The following FAM167A variants were observed in gnomAD, a reference collection of about 807,000 sequenced individuals.
The protein encoded by FAM167A is family with sequence similarity 167 member A.
FAM167A carries 23 observed loss-of-function variants against 14.9 expected under a neutral mutation model. The ratio of observed to expected loss-of-function variants is 1.55; its 90% CI spans 1.11 to 2.19. FAM167A has a LOEUF of 2.19. FAM167A is among the 30% of genes most tolerant of loss of function. The pLI is 0.00. For synonymous variants in FAM167A, 174 were observed against 117.7 expected (o/e 1.48, Z -3.10); for missense variants, 401 against 281.5 (o/e 1.42, Z -3.04).
At chr8:11,474,999 C>T (rs1797822958) in intron 1 of FAM167A, among the ~76,000 whole-genome samples, 1 of 152,104 alleles carries the variant, frequency 6.6e-6, no homozygotes, top group African/African-American at 2.4e-5. Flanking sequence ...GCCAAGTGTC[C>T]TGGAGTGAGG....
At chr8:11,464,221 CT>C (rs1406793300) in intron 1 of FAM167A, among the ~76,000 whole-genome samples, 1 of 152,160 alleles carries the variant, frequency 6.6e-6, no homozygotes, top group Admixed American at 6.5e-5. Context: ...CTCTCCAACA[CT>C]TCTCCAGAGA....
intron 1 of FAM167A, among the ~76,000 whole-genome samples, chr8:11,466,386 G>A (rs1004443162): frequency 1.3e-5 from 2 of 151,232 alleles, no homozygotes; most frequent in African/African-American, 4.9e-5. Context: ...AGGAGATGAA[G>A]TCCAGCCCTG....
At chr8:11,466,472 C>G (rs548135661) in intron 1 of FAM167A, among the ~76,000 whole-genome samples, 154 bp downstream of exon 1, 7 of 146,948 alleles carry the variant, frequency 4.8e-5, no homozygotes, top group South Asian at 4.6e-4. Flanking sequence ...GCGGTAGGAG[C>G]GCGTCCCCTC....
intron 1 of FAM167A, among the ~76,000 whole-genome samples, chr8:11,454,327 C>T (rs934721592): frequency 6.6e-6 from 1 of 152,224 alleles, no homozygotes; most frequent in African/African-American, 2.4e-5. Flanking sequence ...AGACTCGTGG[C>T]TTCACTCAAG....
In FAM167A at chr8:11,464,129, G is replaced by A. The variant is rs76560026; in HGVS notation, c.-398+2497C>T. ...CCTGGCAGAGATGAGCAGGCAGGCA[G>A]TGTGCAGAAGGAAAGGGGGTGAGGT... On this transcript the variant is annotated intron_variant, in intron 1 of 2. Coordinates refer to ENST00000284486, the MANE Select transcript of FAM167A (RefSeq NM_053279.3). 5.1e-4 allele frequency among the ~76,000 whole-genome samples: 78 copies of A among 152,150 alleles called. No homozygotes were observed. The East Asian group carries it at 0.015, about 29-fold the overall frequency.
At chr8:11,442,044 A>T (rs1289244361) in intron 2 of FAM167A, among the ~76,000 whole-genome samples, 2 of 152,220 alleles carry the variant, frequency 1.3e-5, no homozygotes, top group Non-Finnish European at 2.9e-5. Context: ...AATAATGCTA[A>T]TATTCCCTTT....
chr8:11,450,948 G>A (rs1227752795), intron 1 of FAM167A, among the ~76,000 whole-genome samples: 2 of 152,210 alleles, frequency 1.3e-5, no homozygotes, highest in East Asian at 3.9e-4. Context: ...CCAAATCCCA[G>A]GACTATGTGC....
rs1293783987 is a variant in FAM167A, at chr8:11,444,056, G to C, written c.356C>G (p.Ala119Gly). 3 of 1,613,368 alleles carry C rather than the reference G, an allele frequency of 1.9e-6. No homozygotes were observed. In the South Asian group the frequency reaches 3.3e-5, roughly 18 times the overall value. The stretch of plus-strand genomic sequence containing the variant: ...CAGTTCCTTCCTGAGCCAGGCTATA[G>C]CTTCATCGATGCTCTGAAAGCCTTC... Reference protein sequence around the residue: ...KLEGFQSIDEAIAWLRKELTE... With the variant: ...KLEGFQSIDEGIAWLRKELTE... The change falls in exon 2 of 3, where the codon GCT becomes GGT. Residue 119 changes from alanine (A) to glycine (G), a missense_variant. Coordinates refer to ENST00000284486, the MANE Select transcript of FAM167A (RefSeq NM_053279.3).
At chr8:11,435,720 G>C (rs1018437251) in intron 2 of FAM167A, among the ~76,000 whole-genome samples, 1 of 152,150 alleles carries the variant, frequency 6.6e-6, no homozygotes, top group African/African-American at 2.4e-5. Context: ...ACGCCACCCT[G>C]GGCAAGTCAC....
chr8:11,439,860 C>T (rs1435214550), intron 2 of FAM167A, among the ~76,000 whole-genome samples: 1 of 152,150 alleles, frequency 6.6e-6, no homozygotes, highest in Non-Finnish European at 1.5e-5. Context: ...AGGAGGGTCC[C>T]TGCTCCCCTG....
At chr8:11,463,500 T>C (rs1029549260) in intron 1 of FAM167A, among the ~76,000 whole-genome samples, 13 of 152,344 alleles carry the variant, frequency 8.5e-5, no homozygotes, top group Middle Eastern at 3.4e-3. Flanking sequence ...GCTGGCTTCC[T>C]GGAATGAGGA....
intron 1 of FAM167A, among the ~76,000 whole-genome samples, chr8:11,475,291 T>C (rs1167993749): frequency 6.6e-6 from 1 of 152,234 alleles, no homozygotes; most frequent in Non-Finnish European, 1.5e-5. Context: ...TCTGCACCCT[T>C]GTGCATGCTC....
At chr8:11,450,748 C>T (rs542718181) in intron 1 of FAM167A, among the ~76,000 whole-genome samples, 1 of 152,342 alleles carries the variant, frequency 6.6e-6, no homozygotes, top group South Asian at 2.1e-4. Flanking sequence ...CCTGTCCTTG[C>T]TCAAATCTGA....
At chr8:11,444,953 A>G (rs1191169356) in intron 1 of FAM167A, 145 bp from the exon 2 acceptor site, 10 of 716,116 alleles carry the variant, frequency 1.4e-5, no homozygotes, top group Non-Finnish European at 8.6e-6. Context: ...CGGAAGTGAG[A>G]TCATTTTAAT....
chr8:11,428,721 T>C (rs1436761673), intron 2 of FAM167A, among the ~76,000 whole-genome samples: 1 of 152,212 alleles, frequency 6.6e-6, no homozygotes, highest in Non-Finnish European at 1.5e-5. Context: ...AAGAACAGGG[T>C]TTGTCCCCGT....
At chr8:11,472,535 G>A (rs1807993351), upstream of FAM167A, among the ~76,000 whole-genome samples, 1 of 150,652 alleles carries the variant, frequency 6.6e-6, no homozygotes, top group South Asian at 2.1e-4. Context: ...CGTCTCCTGG[G>A]TTCTAGCGAT....
At chr8:11,470,197 G>C (rs1351417249), upstream of FAM167A, among the ~76,000 whole-genome samples, 1 of 152,234 alleles carries the variant, frequency 6.6e-6, no homozygotes, top group Non-Finnish European at 1.5e-5. Context: ...AGTAATGGCA[G>C]AGGAGGGGAA....
chr8:11,472,785 C>T (rs1808001042), intron 1 of FAM167A, among the ~76,000 whole-genome samples: 1 of 152,168 alleles, frequency 6.6e-6, no homozygotes, highest in Non-Finnish European at 1.5e-5. Context: ...GGTTGGATGG[C>T]TTTCTTTTCA....
intron 2 of FAM167A, among the ~76,000 whole-genome samples, chr8:11,442,992 C>G (rs1019652596): frequency 6.6e-6 from 1 of 152,196 alleles, no homozygotes; most frequent in African/African-American, 2.4e-5. Context: ...CGGGATTCTG[C>G]AAAACAAACC....
Sources: gnomAD v4.1 joint callset for allele counts (sites outside exome capture counted in the v4.1 genomes callset) on GRCh38, gnomAD v4.1.1 for gene constraint, MANE v1.5 for transcripts, NCBI Gene and HGNC (gene_info 2026-07-23, HGNC 2026-07-21) for gene names.